THADA: variants seen among roughly 807,000 people sequenced by gnomAD.
The protein encoded by THADA is THADA armadillo repeat containing.
THADA carries 213 observed loss-of-function variants against 219.8 expected under a neutral mutation model. The observed-to-expected ratio is 0.97, with a 90% CI of 0.87 to 1.09. THADA has a LOEUF of 1.09. Among genes scored for constraint, THADA ranks in the 50% least tolerant of loss-of-function variants. THADA has a pLI of 0.00. For missense variants in THADA, 2,956 were observed against 2,311.3 expected (o/e 1.28, Z -5.72); for synonymous variants, 1,018 against 828.9 (o/e 1.23, Z -3.92).
chr2:43,422,647 C>A (rs1677861256), intron 28 of THADA, among the ~76,000 whole-genome samples: 1 of 152,138 alleles, frequency 6.6e-6, no homozygotes, highest in South Asian at 2.1e-4. Context: ...TTTGACTTTT[C>A]TTTAAAAAAT....
intron 36 of THADA, among the ~76,000 whole-genome samples, chr2:43,248,144 TATATATATATATATATATATAGAGAG>T (rs1669362348): frequency 1.2e-5 from 1 of 83,826 alleles, no homozygotes; most frequent in African/African-American, 4.8e-5. Flanking sequence ...TATATATATA[TATATATATATATATATATATAGAGAG>T]AGAGAGAGAG....
chr2:43,351,966 G>C lies in THADA; in HGVS notation c.4228-7729C>G, dbSNP rs77592744. Among the ~76,000 whole-genome samples, 1,072 of 152,340 alleles carry C rather than the reference G, an allele frequency of 7.0e-3. 13 individuals are homozygous for C. Among genetic ancestry groups the C allele is most frequent in the African/African-American group, 0.024 (1,009 of 41,572 alleles). Reference sequence around the variant, plus strand: ...GGGCAAGGTTTGGACAGTGGTGTCAGATAGTCAACCTTAACCCAACATACA... The same window carrying C: ...GGGCAAGGTTTGGACAGTGGTGTCACATAGTCAACCTTAACCCAACATACA... On this transcript the variant is annotated intron_variant, in intron 29 of 37. Coordinates refer to ENST00000405975, the MANE Select transcript of THADA (RefSeq NM_022065.5).
chr2:43,587,039 T>C (rs1246433793), intron 4 of THADA, 37 bp from the exon 5 acceptor site: 2 of 1,584,600 alleles, frequency 1.3e-6, no homozygotes, highest in Non-Finnish European at 1.7e-6. Context: ...TCTGACAATC[T>C]AATAGCCCCA....
Position 43,527,962 on chromosome 2 carries a change from T to C in THADA, c.3291A>G (p.Lys1097=). 6.2e-7 allele frequency: 1 copy of C among 1,613,434 alleles called. No homozygotes were observed. Among genetic ancestry groups the C allele is most frequent in the Non-Finnish European group, 8.5e-7 (1 of 1,179,672 alleles). ...TGTGCCTGGACTGCAAAAGGTGTTG[T>C]TTAAAGTAATCTCCTATTTCTTTTA... is the stretch of plus-strand genomic sequence containing the variant. ...EQVKEIGDYF[K]QHLLQSRHRG... is the part of the protein sequence containing the mutation. The change falls in exon 22 of 38, where the codon AAA becomes AAG. Residue 1097 remains lysine, a synonymous_variant. Transcript: ENST00000405975.
chr2:43,424,439 T>C lies in THADA; in HGVS notation c.4058+3661A>G, dbSNP rs533207509. Among the ~76,000 whole-genome samples the C allele has an allele frequency of 2.0e-5, 3 of 152,080 alleles. No homozygotes were observed. In the South Asian group the frequency reaches 6.2e-4, roughly 32 times the overall value. On this transcript the variant is annotated intron_variant, in intron 28 of 37. Transcript: ENST00000405975. The stretch of plus-strand genomic sequence containing the variant: ...GTACATAAATTACCCTTAACAACGG[T>C]ACAAAAATAAAACACTGCTGACCCA...
chr2:43,411,416 C>T (rs1376931836), intron 28 of THADA, among the ~76,000 whole-genome samples: 1 of 152,150 alleles, frequency 6.6e-6, no homozygotes, highest in African/African-American at 2.4e-5. Context: ...TTTGTTGGGC[C>T]AGCTTTAATA....
intron 29 of THADA, among the ~76,000 whole-genome samples, chr2:43,368,787 C>T (rs1670467275): frequency 6.6e-6 from 1 of 152,094 alleles, no homozygotes; most frequent in African/African-American, 2.4e-5. Flanking sequence ...GACTCACCAC[C>T]TCAACTCAAA....
At chr2:43,466,533 G>C (rs1393816438) in intron 26 of THADA, among the ~76,000 whole-genome samples, 1 of 152,074 alleles carries the variant, frequency 6.6e-6, no homozygotes, top group Non-Finnish European at 1.5e-5. Context: ...TACTCTACTT[G>C]ATTCTGAGAT....
intron 36 of THADA, among the ~76,000 whole-genome samples, chr2:43,236,628 G>A (rs1668058448): frequency 6.6e-6 from 1 of 152,140 alleles, no homozygotes; most frequent in South Asian, 2.1e-4. Flanking sequence ...AGGCTAAGGT[G>A]GAAGGATCAC....
intron 36 of THADA, among the ~76,000 whole-genome samples, chr2:43,270,211 C>T (rs1671967995): frequency 1.3e-5 from 2 of 152,154 alleles, no homozygotes; most frequent in Non-Finnish European, 2.9e-5. Flanking sequence ...CATTATGTGA[C>T]ACTGGGGAAA....
At chr2:43,376,242 C>G (rs764981684) in intron 29 of THADA, among the ~76,000 whole-genome samples, 3 of 152,232 alleles carry the variant, frequency 2.0e-5, no homozygotes, top group Non-Finnish European at 4.4e-5. Flanking sequence ...GCTGTATGCA[C>G]TCCTGAAGTA....
chr2:43,589,882 A>G (rs1251238330), intron 4 of THADA, among the ~76,000 whole-genome samples: 1 of 152,166 alleles, frequency 6.6e-6, no homozygotes, highest in Non-Finnish European at 1.5e-5. Flanking sequence ...GTTAAGACTG[A>G]GTTTTTATGT....
intron 31 of THADA, among the ~76,000 whole-genome samples, chr2:43,297,582 G>A (rs1188442013): frequency 1.9e-5 from 2 of 102,912 alleles, no homozygotes; most frequent in South Asian, 3.3e-4. Flanking sequence ...CAGCCGTGCC[G>A]TCCGGGAGGG....
intron 28 of THADA, among the ~76,000 whole-genome samples, chr2:43,421,023 A>G (rs942211057): frequency 1.2e-4 from 18 of 152,224 alleles, no homozygotes; most frequent in African/African-American, 3.4e-4. Context: ...TCCTCCCTAT[A>G]TAAGGCCTAA....
At position 43,398,134 on chromosome 2, in the gene THADA, C is replaced by A. The variant is rs770757753; in HGVS notation, c.4064G>T (p.Gly1355Val). ...GPFVPFIMRC[G>V]HSPVYHSREM... is the part of the protein sequence containing the mutation. ...ACGGGAGTGGTAGACAGGTGAGTGACCACACCTGGGGAGAAATAAAAACAC... is the reference window on the plus strand; with the variant it reads ...ACGGGAGTGGTAGACAGGTGAGTGAACACACCTGGGGAGAAATAAAAACAC... The change falls in exon 29 of 38, where the codon GGT (glycine) becomes GTT (valine). Residue 1355 changes from glycine (G) to valine (V), a missense_variant. Coordinates refer to ENST00000405975, the MANE Select transcript of THADA (RefSeq NM_022065.5). The A allele has an allele frequency of 8.1e-6, 13 of 1,613,580 alleles. No homozygotes were observed. The East Asian group carries it at 2.7e-4, about 33-fold the overall frequency.
chr2:43,370,290 A>G (rs949170210), intron 29 of THADA: 2 of 152,230 alleles, frequency 1.3e-5, no homozygotes, highest in African/African-American at 4.8e-5. Flanking sequence ...AATAGAGTCA[A>G]CTTCCTTTCA....
chr2:43,440,711 G>A (rs1680741354), intron 26 of THADA, among the ~76,000 whole-genome samples: 1 of 152,134 alleles, frequency 6.6e-6, no homozygotes, highest in Non-Finnish European at 1.5e-5. Flanking sequence ...AATTTCCAGA[G>A]AAATAAGTGG....
intron 36 of THADA, among the ~76,000 whole-genome samples, chr2:43,249,310 ACTC>A (rs369509174): frequency 1.3e-5 from 2 of 151,724 alleles, no homozygotes; most frequent in African/African-American, 4.8e-5. Flanking sequence ...CTGGTCTTGA[ACTC>A]CTGGGCTCAA....
chr2:43,495,680 G>A (rs970867141), intron 25 of THADA, among the ~76,000 whole-genome samples: 3 of 152,024 alleles, frequency 2.0e-5, no homozygotes, highest in African/African-American at 7.2e-5. Context: ...AAAGTTGGAC[G>A]AATCACCAGG....
Sources: gnomAD v4.1 joint callset for allele counts (sites outside exome capture counted in the v4.1 genomes callset) on GRCh38, gnomAD v4.1.1 for gene constraint, MANE v1.5 for transcripts, NCBI Gene and HGNC (gene_info 2026-07-23, HGNC 2026-07-21) for gene names.